MAP2K5: variants seen among roughly 807,000 people sequenced by gnomAD.
MAP2K5 encodes mitogen-activated protein kinase kinase 5.
Under a neutral mutation model 83.1 loss-of-function variants are expected in MAP2K5, and 49 were observed. That is an observed-to-expected ratio of 0.59 (90% CI 0.47 to 0.75). MAP2K5 has a LOEUF of 0.75. Among genes scored for constraint, MAP2K5 ranks in the 30% least tolerant of loss-of-function variants. The pLI, the probability that MAP2K5 is intolerant of heterozygous loss-of-function variation, is 0.00. For missense variants in MAP2K5, 457 were observed against 557.5 expected (o/e 0.82, Z 1.82); for synonymous variants, 202 against 191.8 (o/e 1.05, Z -0.44).
intron 17 of MAP2K5, among the ~76,000 whole-genome samples, chr15:67,734,701 C>A (rs1458508201): frequency 6.6e-6 from 1 of 152,066 alleles, no homozygotes; most frequent in African/African-American, 2.4e-5. Context: ...TTGCAAAATA[C>A]CTAAAAAGTT....
chr15:67,674,253 C>A (rs2087623048), intron 13 of MAP2K5, among the ~76,000 whole-genome samples: 1 of 152,072 alleles, frequency 6.6e-6, no homozygotes, highest in Non-Finnish European at 1.5e-5. Flanking sequence ...GATGAGAGAG[C>A]TAGTATGTGC....
intron 7 of MAP2K5, among the ~76,000 whole-genome samples, chr15:67,599,682 T>C (rs565404172): frequency 7.3e-3 from 149 of 20,288 alleles, no homozygotes; most frequent in African/African-American, 0.024. Context: ...TCCCTGGAAA[T>C]TGATTTTTTT....
At chr15:67,797,653 T>G (rs1017386772) in intron 21 of MAP2K5, among the ~76,000 whole-genome samples, 1 of 151,980 alleles carries the variant, frequency 6.6e-6, no homozygotes, top group African/African-American at 2.4e-5. Context: ...AAATCACTGG[T>G]TTTTTTTAAA....
chr15:67,656,326 ATTT>A (rs11411357), intron 11 of MAP2K5, among the ~76,000 whole-genome samples: 16 of 143,438 alleles, frequency 1.1e-4, no homozygotes, highest in African/African-American at 4.1e-4. Context: ...AAACCTTTTA[ATTT>A]TTTTTTTTTT....
chr15:67,585,959 A>G (rs1413530249), intron 5 of MAP2K5, 29 bp downstream of exon 5: 2 of 1,592,366 alleles, frequency 1.3e-6, no homozygotes, highest in East Asian at 2.2e-5. Context: ...GTTTCAGTAA[A>G]GTTAGATGGA....
intron 21 of MAP2K5, among the ~76,000 whole-genome samples, chr15:67,791,719 C>T (rs755499858): frequency 3.9e-5 from 6 of 152,106 alleles, no homozygotes; most frequent in Non-Finnish European, 7.3e-5. Flanking sequence ...TGTTGTGACA[C>T]TGAAATAAGA....
chr15:67,767,352 A>G (rs2090059482), intron 19 of MAP2K5, among the ~76,000 whole-genome samples: 1 of 152,238 alleles, frequency 6.6e-6, no homozygotes, highest in African/African-American at 2.4e-5. Context: ...ATAGAAAGCC[A>G]GTCCAGAATT....
chr15:67,569,456 A>G (rs1460750242), intron 3 of MAP2K5, among the ~76,000 whole-genome samples: 1 of 152,258 alleles, frequency 6.6e-6, no homozygotes, highest in Non-Finnish European at 1.5e-5. Flanking sequence ...GACATGCTGC[A>G]AGCTGTAAGT....
At chr15:67,666,696 C>G (rs1367312518) in intron 13 of MAP2K5, among the ~76,000 whole-genome samples, 1 of 152,190 alleles carries the variant, frequency 6.6e-6, no homozygotes, top group Non-Finnish European at 1.5e-5. Flanking sequence ...TGGGCCTGTA[C>G]TTACTTTTTC....
chr15:67,805,143 C>T (rs1045825269), intron 21 of MAP2K5, among the ~76,000 whole-genome samples: 2 of 152,230 alleles, frequency 1.3e-5, no homozygotes, highest in Admixed American at 1.3e-4. Flanking sequence ...GGTTGAGTGC[C>T]TTGGCATCTT....
chr15:67,589,298 A>G (rs956929555), intron 6 of MAP2K5, among the ~76,000 whole-genome samples: 26 of 152,128 alleles, frequency 1.7e-4, no homozygotes, highest in Admixed American at 2.6e-4. Flanking sequence ...ATAGCCAGAT[A>G]CTAGCATAAT....
intron 4 of MAP2K5, among the ~76,000 whole-genome samples, chr15:67,581,917 G>A (rs938419080): frequency 6.6e-6 from 1 of 152,072 alleles, no homozygotes; most frequent in East Asian, 1.9e-4. Context: ...GTACAGTTGG[G>A]CTATTTAAGG....
rs562406944 is a variant in MAP2K5, at chr15:67,790,987, T to C, written c.1243-15659T>C. The stretch of plus-strand genomic sequence containing the variant: ...GCTGTGTTGTAGAGAATGAAATCCA[T>C]AGGACTCCTGGAAACCACAGGTAAA... On this transcript the variant is annotated intron_variant, in intron 21 of 21. Transcript: ENST00000178640. The surrounding 1 kb of genome is among the most constrained non-coding windows in gnomAD (Gnocchi z 4.6). Among the ~76,000 whole-genome samples the C allele has an allele frequency of 5.3e-5, 8 of 152,248 alleles. No individual in the cohort carries two copies. The highest frequency in any genetic ancestry group is 2.1e-4 in the South Asian group (1 of 4,818).
intron 8 of MAP2K5, among the ~76,000 whole-genome samples, chr15:67,626,861 G>A (rs2086337403): frequency 6.6e-6 from 1 of 152,110 alleles, no homozygotes; most frequent in Admixed American, 6.5e-5. Flanking sequence ...TAAGATCACA[G>A]CAGTGCACTC....
chr15:67,774,167 ATGTGTGTGTGTGTG>A lies in MAP2K5; in HGVS notation c.1242+1438_1242+1451del, dbSNP rs10529511. Among the ~76,000 whole-genome samples the A allele has an allele frequency of 2.7e-4, 41 of 149,664 alleles. No homozygotes were observed. The highest frequency in any genetic ancestry group is 1.0e-3 in the African/African-American group (41 of 40,620). On this transcript the variant is annotated intron_variant, in intron 21 of 21. Coordinates refer to ENST00000178640, the MANE Select transcript of MAP2K5 (RefSeq NM_145160.3). This position sits in a 1 kb window ranked among gnomAD's most constrained non-coding sequence, Gnocchi z 4.9. ...CCTTGAAAGCAAGTGATGTGTGTGT[ATGTGTGTGTGTGTG>A]TGTGTGTGTGTGTGTGTGTGTGAGA... is the stretch of plus-strand genomic sequence containing the variant.
intron 12 of MAP2K5, among the ~76,000 whole-genome samples, chr15:67,663,210 C>T (rs1168316677): frequency 6.6e-6 from 1 of 152,122 alleles, no homozygotes; most frequent in African/African-American, 2.4e-5. Context: ...AAACTAGTAT[C>T]GATACAATAC....
intron 8 of MAP2K5, chr15:67,628,031 A>G: frequency 2.7e-6 from 2 of 738,650 alleles, no homozygotes; most frequent in Non-Finnish European, 4.8e-6. Context: ...GGTTTGTCAC[A>G]TATGCCCCTG....
intron 21 of MAP2K5, among the ~76,000 whole-genome samples, chr15:67,787,394 G>C (rs1379360946): frequency 6.6e-6 from 1 of 152,154 alleles, no homozygotes; most frequent in Non-Finnish European, 1.5e-5. Context: ...AATCTAGCTA[G>C]CCGTCATTTT....
At chr15:67,585,099 A>G (rs929620939) in intron 4 of MAP2K5, among the ~76,000 whole-genome samples, 2 of 150,260 alleles carry the variant, frequency 1.3e-5, no homozygotes, top group Non-Finnish European at 3.0e-5. Flanking sequence ...AAAAAAATCA[A>G]ATTAATTCGT....
Sources: gnomAD v4.1 joint callset for allele counts (sites outside exome capture counted in the v4.1 genomes callset) on GRCh38, gnomAD v4.1.1 for gene constraint, Gnocchi (gnomAD v3.1) non-coding constraint, MANE v1.5 for transcripts, NCBI Gene and HGNC (gene_info 2026-07-23, HGNC 2026-07-21) for gene names.